HPS3: variants seen among roughly 807,000 people sequenced by gnomAD.
The protein encoded by HPS3 is BLOC-2 complex member HPS3.
HPS3 carries 79 observed loss-of-function variants against 110.9 expected under a neutral mutation model. The observed-to-expected ratio is 0.71, with a 90% CI of 0.59 to 0.86. The LOEUF is 0.86. Among genes scored for constraint, HPS3 ranks in the 40% least tolerant of loss-of-function variants. The pLI, the probability that HPS3 is intolerant of heterozygous loss-of-function variation, is 0.00. For missense variants in HPS3, 1,197 were observed against 1,206.2 expected (o/e 0.99, Z 0.11); for synonymous variants, 428 against 451.0 (o/e 0.95, Z 0.65).
At chr3:149,156,828 T>A (rs910042610) in intron 8 of HPS3, among the ~76,000 whole-genome samples, 1 of 152,190 alleles carries the variant, frequency 6.6e-6, no homozygotes, top group Non-Finnish European at 1.5e-5. Context: ...TTAGGTGATT[T>A]GACCGCTAGA....
At chr3:149,133,696 T>C (rs1721904947) in intron 1 of HPS3, among the ~76,000 whole-genome samples, 1 of 152,214 alleles carries the variant, frequency 6.6e-6, no homozygotes, top group Non-Finnish European at 1.5e-5. Context: ...GGCAAGACCC[T>C]TCACCAGTGA....
intron 4 of HPS3, 124 bp from the exon 5 acceptor site, chr3:149,145,230 A>G (rs956515057): frequency 4.1e-6 from 3 of 732,644 alleles, no homozygotes; most frequent in African/African-American, 1.8e-5. Flanking sequence ...ATAAAGAGCA[A>G]CTTCCCCTTT....
chr3:149,161,507 CCTTT>C (rs1421635283), intron 11 of HPS3, among the ~76,000 whole-genome samples: 3 of 146,742 alleles, frequency 2.0e-5, no homozygotes, highest in Non-Finnish European at 4.5e-5. Context: ...TCCCCCACAC[CCTTT>C]TTTTTTTTTT....
At chr3:149,167,817 C>T in intron 15 of HPS3, 76 bp from the exon 16 acceptor site, 1 of 912,328 alleles carries the variant, frequency 1.1e-6, no homozygotes, top group Non-Finnish European at 1.8e-6. Context: ...CTTTCCTGCA[C>T]AATCTTCTTA....
intron 15 of HPS3, 40 bp downstream of exon 15, chr3:149,167,280 A>G: frequency 1.3e-6 from 2 of 1,496,112 alleles, no homozygotes; most frequent in Non-Finnish European, 9.2e-7. Flanking sequence ...TTGATCAGTG[A>G]TAATCAGATC....
At chr3:149,167,263 T>C (rs1724519318) in intron 15 of HPS3, 23 bp downstream of exon 15, 3 of 1,575,342 alleles carry the variant, frequency 1.9e-6, no homozygotes, top group Non-Finnish European at 2.6e-6. Flanking sequence ...AGATTATGTT[T>C]TTAGGCTTGA....
chr3:149,135,057 A>G (rs1722008186), intron 1 of HPS3, among the ~76,000 whole-genome samples: 1 of 152,144 alleles, frequency 6.6e-6, no homozygotes, highest in Admixed American at 6.5e-5. Flanking sequence ...CCTCTGTAGC[A>G]AGTCTCCTCC....
At chr3:149,167,536 C>G (rs893829339) in intron 15 of HPS3, among the ~76,000 whole-genome samples, 1 of 152,152 alleles carries the variant, frequency 6.6e-6, no homozygotes, top group Non-Finnish European at 1.5e-5. Context: ...CTCTGCCATA[C>G]GGTTTTTAGT....
At chr3:149,140,667 CTG>C (rs1278006170) in intron 2 of HPS3, among the ~76,000 whole-genome samples, 169 bp downstream of exon 2, 1 of 152,116 alleles carries the variant, frequency 6.6e-6, no homozygotes, top group African/African-American at 2.4e-5. Context: ...ATAGCTTACT[CTG>C]TAGCATGTGA....
chr3:149,140,240 T>A lies in HPS3; in HGVS notation c.454T>A (p.Cys152Ser), dbSNP rs779562582. The change falls in exon 2 of 17, where the codon TGC becomes AGC. Residue 152 changes from cysteine to serine, a missense_variant. Transcript: ENST00000296051. ...CPVKGDLLVG[C>S]TNKLVLFSLK... The stretch of plus-strand genomic sequence containing the variant: ...TGTGAAAGGAGACCTTCTCGTTGGC[T>A]GCACAAATAAATTAGTCTTATTTAG... The A allele has an allele frequency of 6.2e-7, 1 of 1,614,222 alleles. No homozygotes were observed. The highest frequency in any genetic ancestry group is 8.5e-7 in the Non-Finnish European group (1 of 1,180,034).
chr3:149,150,736 A>C, intron 6 of HPS3, 56 bp downstream of exon 6: 1 of 1,335,238 alleles, frequency 7.5e-7, no homozygotes, highest in Non-Finnish European at 1.1e-6. Context: ...GAGCACATGA[A>C]TACTCGTAGA....
intron 5 of HPS3, among the ~76,000 whole-genome samples, chr3:149,147,871 C>T (rs995410720): frequency 6.6e-6 from 1 of 152,144 alleles, no homozygotes; most frequent in East Asian, 1.9e-4. Flanking sequence ...AGAATCTCCA[C>T]TCCTGTTTTT....
intron 14 of HPS3, among the ~76,000 whole-genome samples, chr3:149,165,672 A>G (rs902274211): frequency 1.3e-5 from 2 of 152,082 alleles, no homozygotes; most frequent in Non-Finnish European, 1.5e-5. Context: ...TACATGGATA[A>G]AACTAAGTAA....
chr3:149,163,002 G>A, intron 13 of HPS3, 124 bp downstream of exon 13: 1 of 833,464 alleles, frequency 1.2e-6, no homozygotes, highest in East Asian at 2.7e-5. Flanking sequence ...TCTTATTTAT[G>A]CAGGAGTTAA....
intron 8 of HPS3, among the ~76,000 whole-genome samples, chr3:149,155,724 C>G (rs1476739463): frequency 6.6e-6 from 1 of 152,090 alleles, no homozygotes; most frequent in Admixed American, 6.6e-5. Flanking sequence ...TATTTTAACT[C>G]TTTATTTTGA....
At chr3:149,153,099 A>AC (rs2108151854) in intron 6 of HPS3, among the ~76,000 whole-genome samples, 1 of 152,234 alleles carries the variant, frequency 6.6e-6, no homozygotes, top group African/African-American at 2.4e-5. Flanking sequence ...ATTTGGGCGT[A>AC]CCCCCAACCA....
At chr3:149,171,181 G>T (rs546098503) in intron 16 of HPS3, among the ~76,000 whole-genome samples, 1 of 152,238 alleles carries the variant, frequency 6.6e-6, no homozygotes, top group South Asian at 2.1e-4. Context: ...GGGAGGCTGA[G>T]GCAGGAGAAT....
At chr3:149,147,648 A>C (rs1722852967) in intron 5 of HPS3, among the ~76,000 whole-genome samples, 1 of 152,140 alleles carries the variant, frequency 6.6e-6, no homozygotes, top group Non-Finnish European at 1.5e-5. Flanking sequence ...TCTTATTTAT[A>C]AGTTATGTAC....
chr3:149,163,795 GCTTTT>G lies in HPS3; in HGVS notation c.2482-46_2482-42del, dbSNP rs767563274. On this transcript the variant is annotated intron_variant, in intron 13 of 16. Coordinates refer to ENST00000296051, the MANE Select transcript of HPS3 (RefSeq NM_032383.5). ...TGCTCTTTGTGGAATGGATAAGCAAGCTTTTGTTGTTATATTTTGTTTATGAGAAA... is the reference window on the plus strand; with the variant it reads ...TGCTCTTTGTGGAATGGATAAGCAAGGTTGTTATATTTTGTTTATGAGAAA... The G allele has an allele frequency of 2.1e-5, 22 of 1,031,286 alleles. No individual in the cohort carries two copies. The African/African-American group carries it at 2.8e-4, about 13-fold the overall frequency. 63.9% of individuals were successfully genotyped at this position (1,031,286 alleles called of 1,614,324 possible).
Sources: gnomAD v4.1 joint callset for allele counts (sites outside exome capture counted in the v4.1 genomes callset) on GRCh38, gnomAD v4.1.1 for gene constraint, MANE v1.5 for transcripts, NCBI Gene and HGNC (gene_info 2026-07-23, HGNC 2026-07-21) for gene names.